SPOCK2: variants seen among roughly 807,000 people sequenced by gnomAD.
SPOCK2 encodes testican-2.
SPOCK2 carries 39 observed loss-of-function variants against 60.1 expected under a neutral mutation model. That is an observed-to-expected ratio of 0.65 (90% CI 0.50 to 0.85). SPOCK2 has a LOEUF of 0.85. SPOCK2 is among the 40% of genes least tolerant of loss of function. The pLI, the probability that SPOCK2 is intolerant of heterozygous loss-of-function variation, is 0.00. For synonymous variants in SPOCK2, 217 were observed against 231.5 expected, an observed-to-expected ratio of 0.94 and a Z score of 0.57; for missense variants, 523 against 567.4, an observed-to-expected ratio of 0.92 and a Z score of 0.80.
intron 1 of SPOCK2, among the ~76,000 whole-genome samples, chr10:72,073,459 G>A (rs993337090): frequency 6.6e-6 from 1 of 152,190 alleles, no homozygotes; most frequent in Non-Finnish European, 1.5e-5. Flanking sequence ...GCTCATACAC[G>A]GAGTGAGGGA....
In SPOCK2 at chr10:72,062,898, G is replaced by T. The variant is rs372959015; in HGVS notation, c.1137C>A (p.Ile379=). The T allele has an allele frequency of 6.3e-7, 1 of 1,597,716 alleles. No homozygotes were observed. The highest frequency in any genetic ancestry group is 1.3e-5 in the African/African-American group (1 of 74,638). The part of the protein sequence containing the change: ...RTHGSPDCDD[I]VGFSGDFGSG... ...TTCCAAAGTCCCCCGAGAAGCCCAC[G>T]ATGTCATCTGTGAGGGGATCAAGCC... The change falls in exon 11 of 11, where the codon ATC becomes ATA. Residue 379 remains isoleucine, a synonymous_variant. Transcript: ENST00000373109. This position sits in a 1 kb window ranked among gnomAD's most constrained non-coding sequence, Gnocchi z 4.3.
Position 72,066,888 on chromosome 10 carries a change from G to T in SPOCK2, c.928+14C>A. The T allele has an allele frequency of 6.2e-7, 1 of 1,613,938 alleles. No homozygotes were observed. The highest frequency in any genetic ancestry group is 1.1e-5 in the South Asian group (1 of 91,078). On this transcript the variant is annotated intron_variant, in intron 8 of 10. Transcript: ENST00000373109. ...ACGGGTGAGGCAGGGGCCTGGGAGG[G>T]GGGCTGCACTCACTCTCCCTCCAGA...
rs149881340 is a variant in SPOCK2 at position 72,072,741 on chromosome 10, C to T, written c.198+161G>A. 1.0e-3 allele frequency: 1,404 copies of T among 1,376,312 alleles called. 11 individuals are homozygous for T. In the African/African-American group the frequency reaches 0.018, roughly 18 times the overall value. The allele number at this position is 1,376,312 out of a possible 1,614,324, so 85.3% of individuals were successfully genotyped here. Reference sequence around the variant, plus strand: ...ACCTCTATCCCTATAAACCCATGTCCAGAATCCTTTCCAGCCTCTCCCGTG... The same window carrying T: ...ACCTCTATCCCTATAAACCCATGTCTAGAATCCTTTCCAGCCTCTCCCGTG... On this transcript the variant is annotated intron_variant, in intron 2 of 10. Coordinates refer to ENST00000373109, the MANE Select transcript of SPOCK2 (RefSeq NM_001244950.2).
chr10:72,074,142 G>T (rs562404885), intron 1 of SPOCK2, among the ~76,000 whole-genome samples: 169 of 152,194 alleles, frequency 1.1e-3, no homozygotes, highest in African/African-American at 3.9e-3. Flanking sequence ...AGGGCGGTGG[G>T]GCCATGGCAC....
upstream of SPOCK2, chr10:72,088,610 C>A: frequency 1.4e-4 from 41 of 299,564 alleles, no homozygotes; most frequent in East Asian, 2.6e-4. Context: ...TTGACATCAT[C>A]ATACCTGGTT....
intron 1 of SPOCK2, among the ~76,000 whole-genome samples, chr10:72,083,265 T>A (rs939552037): frequency 1.3e-5 from 2 of 152,110 alleles, no homozygotes; most frequent in Non-Finnish European, 2.9e-5. Context: ...GGCGGTGGTG[T>A]GGTAGGATAA....
intron 1 of SPOCK2, among the ~76,000 whole-genome samples, chr10:72,077,593 T>C (rs1026149772): frequency 6.6e-6 from 1 of 152,196 alleles, no homozygotes; most frequent in African/African-American, 2.4e-5. Flanking sequence ...GCTCTGTGCT[T>C]ATGTCTAATA....
At chr10:72,086,153 G>T in intron 1 of SPOCK2, 2 of 977,618 alleles carry the variant, frequency 2.0e-6, no homozygotes, top group South Asian at 4.7e-5. Flanking sequence ...TCCTACAAAA[G>T]CCTGAGGCTA....
At chr10:72,084,988 G>C (rs1840836095) in intron 1 of SPOCK2, among the ~76,000 whole-genome samples, 2 of 152,182 alleles carry the variant, frequency 1.3e-5, no homozygotes. Flanking sequence ...GGAGTACAAA[G>C]TAGAGAAGAG....
intron 8 of SPOCK2, 58 bp from the exon 9 acceptor site, chr10:72,064,298 T>C: frequency 1.3e-6 from 2 of 1,490,036 alleles, no homozygotes; most frequent in South Asian, 2.7e-5. Context: ...GGGGATGCAC[T>C]GAGCCCTTCA....
At chr10:72,067,466 T>C in intron 7 of SPOCK2, 147 bp downstream of exon 7, 3 of 1,397,184 alleles carry the variant, frequency 2.1e-6, no homozygotes, top group Non-Finnish European at 2.9e-6. Flanking sequence ...GCCGACTTCT[T>C]TGGGGTGAAG....
At chr10:72,084,284 C>A (rs748723644) in intron 1 of SPOCK2, among the ~76,000 whole-genome samples, 3 of 152,236 alleles carry the variant, frequency 2.0e-5, no homozygotes, top group Admixed American at 1.3e-4. Flanking sequence ...AAGGTGCCTT[C>A]ACACCTATGC....
At chr10:72,067,817 C>T in intron 6 of SPOCK2, 85 bp from the exon 7 acceptor site, 1 of 1,540,998 alleles carries the variant, frequency 6.5e-7, no homozygotes. Flanking sequence ...CCCTACAGGC[C>T]AGGAGGCTGG....
At chr10:72,077,109 C>T (rs1245564) in intron 1 of SPOCK2, among the ~76,000 whole-genome samples, 77,117 of 151,810 alleles carry the variant, frequency 0.51, 19,682 homozygotes, top group African/African-American at 0.54. Flanking sequence ...TAGAATCAGC[C>T]GAGGAGCTCT....
At chr10:72,086,569 G>A in intron 1 of SPOCK2, 1 of 1,143,792 alleles carries the variant, frequency 8.7e-7, no homozygotes, top group Non-Finnish European at 1.1e-6. Context: ...CTGTGGCCGG[G>A]CTGCTGCCCA....
chr10:72,083,700 T>C (rs1245553), intron 1 of SPOCK2, among the ~76,000 whole-genome samples: 66,006 of 152,120 alleles, frequency 0.43, 14,548 homozygotes, highest in South Asian at 0.52. Flanking sequence ...CTGCTGACAC[T>C]GCTCCAGCTC....
At position 72,062,459 on chromosome 10, in the gene SPOCK2, C is replaced by T; in HGVS notation, c.*301G>A. Reference sequence around the variant, plus strand: ...ACAACAAAAGGAAAGAAAACAGCTACAAGGAGGCCGAAGGGGCCTTTGGGT... The same window carrying T: ...ACAACAAAAGGAAAGAAAACAGCTATAAGGAGGCCGAAGGGGCCTTTGGGT... On this transcript the variant is annotated 3_prime_UTR_variant, in exon 11 of 11. Transcript: ENST00000373109. The surrounding 1 kb of genome is among the most constrained non-coding windows in gnomAD (Gnocchi z 4.3). 1 of 434,378 alleles carries T rather than the reference C, an allele frequency of 2.3e-6. No homozygotes were observed. The highest frequency in any genetic ancestry group is 4.0e-6 in the Non-Finnish European group (1 of 248,412). The allele number at this position is 434,378 out of a possible 1,614,324, so 26.9% of individuals were successfully genotyped here. A position where few individuals can be genotyped will look rare whatever the true frequency, so the allele number is the denominator to read the frequency against.
At chr10:72,063,424 A>G (rs1276764533) in intron 9 of SPOCK2, among the ~76,000 whole-genome samples, 1 of 152,096 alleles carries the variant, frequency 6.6e-6, no homozygotes, top group Non-Finnish European at 1.5e-5. Flanking sequence ...CAGCCGCCCC[A>G]TCAGTTTCCC....
chr10:72,084,227 G>T (rs1026995828), intron 1 of SPOCK2, among the ~76,000 whole-genome samples: 1 of 152,206 alleles, frequency 6.6e-6, no homozygotes, highest in East Asian at 1.9e-4. Flanking sequence ...GTTTTTCCGT[G>T]GGGGAGGAGC....
Sources: gnomAD v4.1 joint callset for allele counts (sites outside exome capture counted in the v4.1 genomes callset) on GRCh38, gnomAD v4.1.1 for gene constraint, Gnocchi (gnomAD v3.1) non-coding constraint, MANE v1.5 for transcripts, NCBI Gene and HGNC (gene_info 2026-07-23, HGNC 2026-07-21) for gene names.